Variants in CRYBG1 observed in about 807,000 individuals in gnomAD.
The protein encoded by CRYBG1 is crystallin beta-gamma domain containing 1, also known as beta/gamma crystallin domain-containing protein 1.
Under a neutral mutation model 189.2 loss-of-function variants are expected in CRYBG1, and 139 were observed. The observed-to-expected ratio is 0.73, with a 90% CI of 0.64 to 0.85. CRYBG1 has a LOEUF of 0.85. Ranked by LOEUF, CRYBG1 falls within the 40% of genes least tolerant of loss-of-function variation. The probability of loss-of-function intolerance (pLI) is 0.00; values close to 1 mark genes in which losing one functional copy is unlikely to be tolerated. For synonymous variants in CRYBG1, 1,023 were observed against 1,017.1 expected, an observed-to-expected ratio of 1.01 and a Z score of -0.11; for missense variants, 2,611 against 2,675.8, an observed-to-expected ratio of 0.98 and a Z score of 0.53.
chr6:106,527,010 A>G (rs1731680227), intron 6 of CRYBG1, among the ~76,000 whole-genome samples: 4 of 150,992 alleles, frequency 2.6e-5, no homozygotes, highest in Admixed American at 2.0e-4. Flanking sequence ...TATCTGACAT[A>G]TTATCATAAG....
At chr6:106,565,767 T>TAG (rs771908804) in intron 21 of CRYBG1, among the ~76,000 whole-genome samples, 2 of 152,222 alleles carry the variant, frequency 1.3e-5, no homozygotes, top group Non-Finnish European at 2.9e-5. Context: ...TGTCAATATG[T>TAG]AGACAGGTGA....
Position 106,519,303 on chromosome 6 carries a change from C to G in CRYBG1, c.2095C>G (p.Arg699Gly), listed in dbSNP as rs558701608. ...CAGTAGCCCAAGACACACTGACATT[C>G]GAGGCCAAAGGAATACTCCTGCCTC... ...TNSSPRHTDI[R>G]GQRNTPASSK... Residue 699 changes from arginine to glycine, a missense_variant, in exon 4 of 22, where the codon CGA becomes GGA. This residue lies in a region of CRYBG1 where 1,622 missense variants were observed against 1,735.0 expected (regional missense o/e 0.93). Coordinates refer to ENST00000633556, the MANE Select transcript of CRYBG1 (RefSeq NM_001371242.2). 239 of 1,614,088 alleles carry G rather than the reference C, an allele frequency of 1.5e-4. 3 individuals are homozygous for G. In the South Asian group the frequency reaches 2.3e-3, roughly 15 times the overall value.
At chr6:106,448,589 A>G (rs1771716570) in intron 1 of CRYBG1, among the ~76,000 whole-genome samples, 1 of 152,120 alleles carries the variant, frequency 6.6e-6, no homozygotes, top group East Asian at 1.9e-4. Flanking sequence ...CAAATTATGA[A>G]AGTTCCTACT....
chr6:106,495,387 G>C (rs1772823585), intron 2 of CRYBG1, among the ~76,000 whole-genome samples: 1 of 151,786 alleles, frequency 6.6e-6, no homozygotes, highest in Admixed American at 6.6e-5. Flanking sequence ...TGTATCTATA[G>C]AAAACAAAAA....
rs1773525454 is a variant in CRYBG1, at chr6:106,519,338, G to A, written c.2130G>A (p.Thr710=). 6.2e-7 allele frequency: 1 copy of A among 1,614,090 alleles called. No homozygotes were observed. Among genetic ancestry groups the A allele is most frequent in the South Asian group, 1.1e-5 (1 of 91,078 alleles). The change falls in exon 4 of 22, where the codon ACG becomes ACA. Residue 710 remains threonine, a synonymous_variant. Transcript: ENST00000633556. Reference sequence around the variant, plus strand: ...GGAATACTCCTGCCTCTAGTAAAACGTTTGTTGGGAGGGCAAAGCTGAATT... The same window carrying A: ...GGAATACTCCTGCCTCTAGTAAAACATTTGTTGGGAGGGCAAAGCTGAATT... ...GQRNTPASSK[T]FVGRAKLNLA... is the part of the protein sequence containing the mutation.
chr6:106,416,297 T>C (rs1167023755), intron 1 of CRYBG1, among the ~76,000 whole-genome samples: 1 of 152,232 alleles, frequency 6.6e-6, no homozygotes, highest in Non-Finnish European at 1.5e-5. Flanking sequence ...TCTTTCCTTC[T>C]TGCAGGTATT....
At chr6:106,524,575 G>A (rs1187928606) in intron 4 of CRYBG1, among the ~76,000 whole-genome samples, 1 of 152,040 alleles carries the variant, frequency 6.6e-6, no homozygotes, top group Non-Finnish European at 1.5e-5. Context: ...AGAAAAAAAA[G>A]GGGGATTAAA....
chr6:106,513,447 T>C lies in CRYBG1; in HGVS notation c.1922+408T>C, dbSNP rs375769577. On this transcript the variant is annotated intron_variant, in intron 3 of 21. Transcript: ENST00000633556. ...TCAAAATATGGAGCAAACAGTAACA[T>C]GTTAAATACGATCCAGTAGCTTTGA... 3.9e-4 allele frequency among the ~76,000 whole-genome samples: 59 copies of C among 152,338 alleles called. No individual in the cohort carries two copies. In the South Asian group the frequency reaches 5.4e-3, roughly 14 times the overall value.
At chr6:106,402,891 C>T (rs1049928483) in intron 1 of CRYBG1, among the ~76,000 whole-genome samples, 5 of 152,070 alleles carry the variant, frequency 3.3e-5, no homozygotes, top group South Asian at 2.1e-4. Context: ...GCACAACCTC[C>T]GATGGCATGG....
chr6:106,382,587 C>G (rs554346856), intron 1 of CRYBG1, among the ~76,000 whole-genome samples: 1 of 152,204 alleles, frequency 6.6e-6, no homozygotes, highest in South Asian at 2.1e-4. Flanking sequence ...AATACCAGCA[C>G]TTTGGAAGGC....
At position 106,555,834 on chromosome 6, in the gene CRYBG1, TTGTC is replaced by T; in HGVS notation, c.5659_5662del (p.Ser1887GlnfsTer16). The T allele has an allele frequency of 6.2e-7, 1 of 1,614,198 alleles. No homozygotes were observed. Among genetic ancestry groups the T allele is most frequent in the Non-Finnish European group, 8.5e-7 (1 of 1,180,026 alleles). The stretch of plus-strand genomic sequence containing the variant: ...ACGTGTTGGAAGAAGGCCATTATCC[TTGTC>T]TGTCTGCAATGGGATGCCCGCCTGG... On this transcript the variant is annotated frameshift_variant, in exon 17 of 22. Coordinates refer to ENST00000633556, the MANE Select transcript of CRYBG1 (RefSeq NM_001371242.2). LOFTEE classifies it high-confidence loss of function.
chr6:106,396,711 T>C (rs1349819752), intron 1 of CRYBG1, among the ~76,000 whole-genome samples: 1 of 152,210 alleles, frequency 6.6e-6, no homozygotes, highest in East Asian at 1.9e-4. Flanking sequence ...ATTTGGAGTC[T>C]TGCACTGTTG....
rs1268862042 is a variant in CRYBG1 at position 106,511,855 on chromosome 6, A to G, written c.738A>G (p.Pro246=). 6.6e-7 allele frequency: 1 copy of G among 1,514,690 alleles called. No homozygotes were observed. The highest frequency in any genetic ancestry group is 8.8e-7 in the Non-Finnish European group (1 of 1,133,784). 93.8% of individuals were successfully genotyped at this position (1,514,690 alleles called of 1,614,324 possible). Residue 246 remains proline (P), a synonymous_variant, in exon 3 of 22, where the codon CCA becomes CCG. Coordinates refer to ENST00000633556, the MANE Select transcript of CRYBG1 (RefSeq NM_001371242.2). Reference sequence around the variant, plus strand: ...TGGAGGCAGAGGGAGAGCCTTTCCCAGATGCCACCACCACTGCCAAGCAGC... The same window carrying G: ...TGGAGGCAGAGGGAGAGCCTTTCCCGGATGCCACCACCACTGCCAAGCAGC... The part of the protein sequence containing the change: ...EPLEAEGEPF[P]DATTTAKQLH...
intron 3 of CRYBG1, 71 bp from the exon 4 acceptor site, chr6:106,519,060 A>T (rs1562100159): frequency 2.0e-6 from 3 of 1,481,024 alleles, no homozygotes; most frequent in East Asian, 4.5e-5. Context: ...ATAGTTTTAT[A>T]ATTAATTGGT....
At chr6:106,483,663 A>G (rs1453992378) in intron 2 of CRYBG1, among the ~76,000 whole-genome samples, 1 of 150,298 alleles carries the variant, frequency 6.7e-6, no homozygotes, top group East Asian at 2.0e-4. Context: ...TTTTCTCCAC[A>G]TTCTTGACAA....
intron 1 of CRYBG1, among the ~76,000 whole-genome samples, chr6:106,401,191 A>C (rs1032271855): frequency 6.6e-6 from 1 of 152,222 alleles, no homozygotes; most frequent in Non-Finnish European, 1.5e-5. Context: ...TTTTCAACCT[A>C]CAGAGCAAAT....
At chr6:106,487,319 C>A (rs952850910) in intron 2 of CRYBG1, among the ~76,000 whole-genome samples, 5 of 152,036 alleles carry the variant, frequency 3.3e-5, no homozygotes, top group African/African-American at 1.2e-4. Context: ...TACATGGTAC[C>A]ATTACAGCAC....
chr6:106,473,534 C>T (rs1287651085), intron 2 of CRYBG1, among the ~76,000 whole-genome samples: 2 of 152,166 alleles, frequency 1.3e-5, no homozygotes, highest in South Asian at 4.1e-4. Context: ...AAGAGAGAAC[C>T]AGGCGATGGA....
intron 1 of CRYBG1, among the ~76,000 whole-genome samples, chr6:106,376,398 C>T (rs988953186): frequency 6.6e-6 from 1 of 152,188 alleles, no homozygotes; most frequent in African/African-American, 2.4e-5. Context: ...CCACCCTCCT[C>T]TGTGCTCAGA....
Sources: gnomAD v4.1 joint callset for allele counts (sites outside exome capture counted in the v4.1 genomes callset) on GRCh38, gnomAD v4.1.1 for gene constraint, gnomAD v4.1.1 regional missense constraint, MANE v1.5 for transcripts, NCBI Gene and HGNC (gene_info 2026-07-23, HGNC 2026-07-21) for gene names.